NEK7: variants seen among roughly 807,000 people sequenced by gnomAD.
NEK7 encodes the protein serine/threonine-protein kinase Nek7.
NEK7 carries 18 observed loss-of-function variants against 44.6 expected under a neutral mutation model. The ratio of observed to expected loss-of-function variants is 0.40; its 90% CI spans 0.28 to 0.60. The LOEUF is 0.60. Ranked by LOEUF, NEK7 falls within the 20% of genes least tolerant of loss-of-function variation. The pLI is 0.38. For missense variants in NEK7, 256 were observed against 366.5 expected, an observed-to-expected ratio of 0.70 and a Z score of 2.46; for synonymous variants, 130 against 121.1, an observed-to-expected ratio of 1.07 and a Z score of -0.48.
intron 3 of NEK7, among the ~76,000 whole-genome samples, chr1:198,257,112 A>G (rs921972028): frequency 2.6e-5 from 4 of 152,184 alleles, no homozygotes; most frequent in African/African-American, 9.7e-5. Context: ...TTTCTAGATA[A>G]CACTATTTTA....
chr1:198,226,073 A>T (rs1666214068), intron 1 of NEK7, among the ~76,000 whole-genome samples: 1 of 152,094 alleles, frequency 6.6e-6, no homozygotes, highest in Non-Finnish European at 1.5e-5. Context: ...TGAAACATGG[A>T]ACTTACAATC....
At chr1:198,287,414 C>CA (rs1035548078) in intron 7 of NEK7, among the ~76,000 whole-genome samples, 24 of 151,046 alleles carry the variant, frequency 1.6e-4, no homozygotes, top group African/African-American at 5.3e-4. Context: ...CAAAAACAAA[C>CA]AAAAAAAAGC....
chr1:198,192,040 G>A (rs1665094117), intron 1 of NEK7, among the ~76,000 whole-genome samples: 1 of 151,840 alleles, frequency 6.6e-6, no homozygotes, highest in Non-Finnish European at 1.5e-5. Context: ...CTTGGTAAGG[G>A]TTTTCAAAAA....
At chr1:198,311,968 G>C (rs575073175) in intron 9 of NEK7, among the ~76,000 whole-genome samples, 2 of 152,138 alleles carry the variant, frequency 1.3e-5, no homozygotes, top group Non-Finnish European at 2.9e-5. Flanking sequence ...GAGTTAGGGA[G>C]GATTCTCTCT....
intron 1 of NEK7, among the ~76,000 whole-genome samples, chr1:198,196,315 C>T (rs1183833027): frequency 1.3e-4 from 20 of 152,142 alleles, no homozygotes; most frequent in Admixed American, 1.3e-3. Context: ...CTTGATGTTT[C>T]TGTAAATTAT....
At chr1:198,220,947 G>A (rs925142503) in intron 1 of NEK7, 1 of 151,930 alleles carries the variant, frequency 6.6e-6, no homozygotes, top group African/African-American at 2.4e-5. Context: ...TAACTAGAAG[G>A]AATATTGAGT....
intron 1 of NEK7, 122 bp from the exon 2 acceptor site, chr1:198,232,429 ATC>A (rs921389077): frequency 4.7e-5 from 26 of 557,840 alleles, no homozygotes; most frequent in Non-Finnish European, 6.6e-6. Context: ...AGTGTGGTAT[ATC>A]TCAGTGAATT....
At chr1:198,209,655 T>TTC (rs1182488824) in intron 1 of NEK7, among the ~76,000 whole-genome samples, 2 of 151,890 alleles carry the variant, frequency 1.3e-5, no homozygotes, top group Admixed American at 6.6e-5. Context: ...TTCTTTTACT[T>TTC]TCTCTCTCTC....
intron 1 of NEK7, among the ~76,000 whole-genome samples, chr1:198,179,584 A>T (rs932327890): frequency 2.6e-5 from 4 of 152,118 alleles, no homozygotes; most frequent in African/African-American, 9.7e-5. Context: ...TCATGTAGGA[A>T]AATCAAGGGA....
chr1:198,296,087 G>A (rs987228588), intron 8 of NEK7, among the ~76,000 whole-genome samples: 11 of 152,130 alleles, frequency 7.2e-5, no homozygotes, highest in Non-Finnish European at 4.4e-5. Flanking sequence ...GAGCACAGAA[G>A]ACAGATGAGA....
chr1:198,179,905 A>T (rs1402329146), intron 1 of NEK7, among the ~76,000 whole-genome samples: 12 of 152,106 alleles, frequency 7.9e-5, no homozygotes, highest in African/African-American at 2.4e-4. Context: ...GGAGTCAGGA[A>T]ACCTGAGTTT....
intron 7 of NEK7, among the ~76,000 whole-genome samples, chr1:198,292,009 G>A (rs1654573163): frequency 6.6e-6 from 1 of 151,960 alleles, no homozygotes; most frequent in South Asian, 2.1e-4. Context: ...TTTTTGAGTA[G>A]CAACATATTT....
At chr1:198,294,078 T>C (rs894430827) in intron 8 of NEK7, among the ~76,000 whole-genome samples, 1 of 151,956 alleles carries the variant, frequency 6.6e-6, no homozygotes, top group African/African-American at 2.4e-5. Flanking sequence ...GTCATGATCT[T>C]TTATTATTTT....
chr1:198,319,442 C>G lies in NEK7; in HGVS notation c.829C>G (p.Pro277Ala). The G allele has an allele frequency of 6.2e-7, 1 of 1,612,766 alleles. No homozygotes were observed. Among genetic ancestry groups the G allele is most frequent in the Non-Finnish European group, 8.5e-7 (1 of 1,179,188 alleles). ...LRQLVNMCIN[P>A]DPEKRPDVTY... The stretch of plus-strand genomic sequence containing the variant: ...ACAGTTAGTTAATATGTGCATCAAC[C>G]CAGATCCAGAGAAGCGACCAGACGT... The change falls in exon 10 of 10, where the codon CCA becomes GCA. Residue 277 changes from proline (P) to alanine (A), a missense_variant. Physicochemically the swap from Pro to Ala is conservative, Grantham distance 27. This residue lies in a region of NEK7 where 58 missense variants were observed against 66.5 expected (regional missense o/e 0.87). Transcript: ENST00000367385.
At chr1:198,264,046 G>A (rs1409348034) in intron 4 of NEK7, 79 bp from the exon 5 acceptor site, 3 of 1,409,598 alleles carry the variant, frequency 2.1e-6, no homozygotes, top group Non-Finnish European at 2.8e-6. Context: ...GGTGAAGTTT[G>A]TTCTTAAGTA....
intron 5 of NEK7, among the ~76,000 whole-genome samples, chr1:198,266,233 C>T (rs906853910): frequency 2.6e-5 from 4 of 152,046 alleles, no homozygotes; most frequent in African/African-American, 7.2e-5. Flanking sequence ...TATATCTATA[C>T]ATACTCTATT....
At chr1:198,302,510 G>A (rs1055265955) in intron 9 of NEK7, among the ~76,000 whole-genome samples, 20 of 151,814 alleles carry the variant, frequency 1.3e-4, no homozygotes, top group African/African-American at 4.6e-4. Context: ...CTATATTGTT[G>A]AAACAAGAAA....
At chr1:198,249,779 G>A (rs1345071607) in intron 2 of NEK7, among the ~76,000 whole-genome samples, 1 of 137,998 alleles carries the variant, frequency 7.2e-6, no homozygotes, top group Non-Finnish European at 1.5e-5. Context: ...TGTAGATTCT[G>A]GATATTAGCC....
intron 1 of NEK7, among the ~76,000 whole-genome samples, chr1:198,184,139 T>C (rs1390840935): frequency 6.6e-6 from 1 of 152,230 alleles, no homozygotes; most frequent in Non-Finnish European, 1.5e-5. Context: ...TACTGCTGTA[T>C]AGTGTGAAAA....
Sources: allele counts gnomAD v4.1 joint callset (sites outside exome capture counted in the v4.1 genomes callset), GRCh38; gene constraint gnomAD v4.1.1; regional missense constraint gnomAD v4.1.1; transcripts MANE v1.5; gene names NCBI Gene and HGNC (gene_info 2026-07-23, HGNC 2026-07-21).